EXOC6B: variants seen among roughly 807,000 people sequenced by gnomAD.
EXOC6B encodes SEC15 homolog B.
EXOC6B carries 54 observed loss-of-function variants against 113.5 expected under a neutral mutation model. The observed-to-expected ratio is 0.48, with a 90% CI of 0.38 to 0.60. The LOEUF (loss-of-function observed/expected upper bound fraction) is 0.60, where lower values mean the gene tolerates loss of function less well. Among genes scored for constraint, EXOC6B ranks in the 20% least tolerant of loss-of-function variants. The pLI, the probability that EXOC6B is intolerant of heterozygous loss-of-function variation, is 0.00. For synonymous variants in EXOC6B, 357 were observed against 339.0 expected (o/e 1.05, Z -0.58); for missense variants, 797 against 977.5 (o/e 0.82, Z 2.46).
intron 5 of EXOC6B, among the ~76,000 whole-genome samples, chr2:72,726,992 G>A (rs1156291399): frequency 2.0e-5 from 3 of 152,174 alleles, no homozygotes; most frequent in African/African-American, 7.2e-5. Context: ...TTCGGAGGAT[G>A]TGTATAGGTT....
chr2:72,637,246 C>A (rs1672908283), intron 6 of EXOC6B, among the ~76,000 whole-genome samples: 1 of 151,884 alleles, frequency 6.6e-6, no homozygotes, highest in South Asian at 2.1e-4. Flanking sequence ...CCAAAAAACG[C>A]CAAAAGCAAT....
chr2:72,695,747 C>T (rs1677823454), intron 6 of EXOC6B, among the ~76,000 whole-genome samples: 1 of 152,070 alleles, frequency 6.6e-6, no homozygotes, highest in South Asian at 2.1e-4. Flanking sequence ...AAGTAAAACT[C>T]ATCTCTCATA....
chr2:72,187,080 G>A (rs558249836), intron 20 of EXOC6B, among the ~76,000 whole-genome samples: 1 of 152,278 alleles, frequency 6.6e-6, no homozygotes, highest in East Asian at 1.9e-4. Context: ...CTGCCATGGG[G>A]TGGGCAGCTC....
At chr2:72,334,776 G>T (rs1688593551) in intron 20 of EXOC6B, among the ~76,000 whole-genome samples, 171 bp downstream of exon 20, 1 of 145,118 alleles carries the variant, frequency 6.9e-6, no homozygotes, top group African/African-American at 2.6e-5. Context: ...CATAGCTAAG[G>T]ATCCCAGATA....
chr2:72,343,145 G>T (rs1033095490), intron 19 of EXOC6B, among the ~76,000 whole-genome samples: 1 of 152,102 alleles, frequency 6.6e-6, no homozygotes, highest in Admixed American at 6.5e-5. Context: ...CAAAAAGAAG[G>T]CTGGGTGTGG....
At chr2:72,645,916 G>A (rs1441356157) in intron 6 of EXOC6B, among the ~76,000 whole-genome samples, 1 of 152,140 alleles carries the variant, frequency 6.6e-6, no homozygotes, top group Non-Finnish European at 1.5e-5. Context: ...TGAAAAGCTA[G>A]CAGAAGGCAA....
Position 72,177,037 on chromosome 2 carries a change from G to C in EXOC6B, c.*2298C>G, listed in dbSNP as rs761516624. On this transcript the variant is annotated 3_prime_UTR_variant, in exon 22 of 22. Transcript: ENST00000272427. ...TTTTACCTTCCCTGGCCCACCAAGA[G>C]TATGTCTCTACATACAACTCAGTAG... 1.1e-4 allele frequency: 16 copies of C among 152,194 alleles called. No homozygotes were observed. The highest frequency in any genetic ancestry group is 1.6e-4 in the Non-Finnish European group (11 of 68,034). 9.4% of individuals were successfully genotyped at this position (152,194 alleles called of 1,614,324 possible).
intron 10 of EXOC6B, among the ~76,000 whole-genome samples, chr2:72,514,310 T>C (rs570895679): frequency 7.8e-4 from 118 of 152,220 alleles, no homozygotes; most frequent in Middle Eastern, 6.8e-3. Context: ...TTTTGCTGAT[T>C]ATTTGGTTCC....
chr2:72,225,835 T>C (rs1252402156), intron 20 of EXOC6B, among the ~76,000 whole-genome samples: 1 of 152,156 alleles, frequency 6.6e-6, no homozygotes, highest in Non-Finnish European at 1.5e-5. Context: ...TAAACAACTA[T>C]AAAAAATGAC....
At chr2:72,297,448 A>G (rs534962059) in intron 20 of EXOC6B, among the ~76,000 whole-genome samples, 2 of 151,976 alleles carry the variant, frequency 1.3e-5, no homozygotes, top group South Asian at 4.2e-4. Context: ...CCCATCATTT[A>G]GCTCCCACTT....
At chr2:72,601,051 G>A (rs1336711977) in intron 6 of EXOC6B, among the ~76,000 whole-genome samples, 1 of 150,800 alleles carries the variant, frequency 6.6e-6, no homozygotes, top group Non-Finnish European at 1.5e-5. Flanking sequence ...GTTATGAGAA[G>A]ATTTCTAATT....
intron 8 of EXOC6B, among the ~76,000 whole-genome samples, chr2:72,550,489 C>T (rs188564515): frequency 6.6e-6 from 1 of 152,288 alleles, no homozygotes; most frequent in East Asian, 1.9e-4. Context: ...CTACCACTAA[C>T]TGTACCTTTT....
intron 18 of EXOC6B, among the ~76,000 whole-genome samples, chr2:72,448,272 T>A (rs1369672396): frequency 6.6e-6 from 1 of 152,168 alleles, no homozygotes; most frequent in Non-Finnish European, 1.5e-5. Flanking sequence ...ACCAAACTGT[T>A]ATATAATTTT....
At chr2:72,822,432 A>G (rs1261662592) in intron 1 of EXOC6B, among the ~76,000 whole-genome samples, 1 of 152,202 alleles carries the variant, frequency 6.6e-6, no homozygotes, top group Non-Finnish European at 1.5e-5. Flanking sequence ...GAGGTGGTAT[A>G]TCCTTATGAT....
intron 20 of EXOC6B, among the ~76,000 whole-genome samples, chr2:72,251,187 T>A (rs1222831415): frequency 7.1e-6 from 1 of 140,436 alleles, no homozygotes; most frequent in African/African-American, 2.5e-5. Flanking sequence ...CCTGATCTTG[T>A]TCTTTGAGGA....
intron 6 of EXOC6B, among the ~76,000 whole-genome samples, chr2:72,646,852 T>C (rs1398860179): frequency 6.6e-6 from 1 of 152,178 alleles, no homozygotes; most frequent in African/African-American, 2.4e-5. Context: ...TCATACTGAA[T>C]GGGCAAAAAC....
chr2:72,327,307 C>T (rs1458476914), intron 20 of EXOC6B, among the ~76,000 whole-genome samples: 1 of 152,020 alleles, frequency 6.6e-6, no homozygotes, highest in Non-Finnish European at 1.5e-5. Context: ...CTTCCACCTT[C>T]CCTTCAAGGA....
intron 1 of EXOC6B, among the ~76,000 whole-genome samples, chr2:72,753,130 G>T (rs904286212): frequency 1.3e-5 from 2 of 151,992 alleles, no homozygotes; most frequent in African/African-American, 2.4e-5. Flanking sequence ...ACTCGGCTGG[G>T]CATGGTGGCA....
intron 18 of EXOC6B, among the ~76,000 whole-genome samples, chr2:72,383,461 G>A (rs767580523): frequency 1.5e-4 from 23 of 151,572 alleles, no homozygotes; most frequent in African/African-American, 4.4e-4. Flanking sequence ...ATCTCAAACC[G>A]GTCAGAATGG....
Sources: allele counts gnomAD v4.1 joint callset (sites outside exome capture counted in the v4.1 genomes callset), GRCh38; gene constraint gnomAD v4.1.1; transcripts MANE v1.5; gene names NCBI Gene and HGNC (gene_info 2026-07-23, HGNC 2026-07-21).